Variants in PSMD4 observed in about 807,000 individuals in gnomAD.
PSMD4 encodes 26S proteasome non-ATPase regulatory subunit 4.
A neutral mutation model predicts 39.7 loss-of-function variants in PSMD4; 5 were observed. The observed-to-expected ratio is 0.13, with a 90% CI of 0.07 to 0.26. The LOEUF is 0.26. Ranked by LOEUF, PSMD4 falls within the 10% of genes least tolerant of loss-of-function variation. PSMD4 has a pLI of 1.00. For missense variants in PSMD4, 272 were observed against 486.1 expected, an observed-to-expected ratio of 0.56 and a Z score of 4.14; for synonymous variants, 143 against 174.6, an observed-to-expected ratio of 0.82 and a Z score of 1.43.
Position 151,262,164 on chromosome 1 carries a change from G to A in PSMD4, c.30G>A (p.Val10=), listed in dbSNP as rs1201880839. 18 of 1,614,004 alleles carry A rather than the reference G, an allele frequency of 1.1e-5. No homozygotes were observed. In the Admixed American group the frequency reaches 1.7e-4, roughly 15 times the overall value. MVLESTMVC[V]DNSEYMRNGD... is the part of the protein sequence containing the mutation. ...TCCTTCAACCCTAATCTGACAGTGT[G>A]GACAACAGTGAGTATATGCGGAATG... is the stretch of plus-strand genomic sequence containing the variant. The change falls in exon 2 of 10, where the codon GTG becomes GTA. Residue 10 remains valine (V), a synonymous_variant. Transcript: ENST00000368884.
chr1:151,267,451 G>A lies in PSMD4; in HGVS notation c.*108G>A. ...AACCATTACAGCCTAAATAAAGCTT[G>A]GCAACTTTTTTTCCTTTTTTGCTTC... On this transcript the variant is annotated 3_prime_UTR_variant, in exon 10 of 10. Transcript: ENST00000368884. 1 of 1,359,516 alleles carries A rather than the reference G, an allele frequency of 7.4e-7. No homozygotes were observed. Among genetic ancestry groups the A allele is most frequent in the South Asian group, 1.4e-5 (1 of 69,814 alleles). The allele number at this position is 1,359,516 out of a possible 1,614,324, so 84.2% of individuals were successfully genotyped here. A position where few individuals can be genotyped will look rare whatever the true frequency, so the allele number is the denominator to read the frequency against.
rs757365803 is a variant in PSMD4, at chr1:151,264,880, G to A, written c.331G>A (p.Ala111Thr). ...QGKNHKMRII[A>T]FVGSPVEDNE... ...CAAGAATCACAAGATGCGCATCATT[G>A]CCTTTGTGGGAAGCCCAGTGGAGGA... The change falls in exon 4 of 10, where the codon GCC (alanine) becomes ACC (threonine). Residue 111 changes from alanine (A) to threonine (T), a missense_variant. Around this residue, in one of 3 missense-constraint regions of PSMD4, gnomAD observed 153 missense variants for 257.6 expected, o/e 0.59. Coordinates refer to ENST00000368884, the MANE Select transcript of PSMD4 (RefSeq NM_002810.4). 4 of 1,613,812 alleles carry A rather than the reference G, an allele frequency of 2.5e-6. No homozygotes were observed. The South Asian group carries it at 3.3e-5, about 13-fold the overall frequency.
At chr1:151,254,868 A>AT in intron 1 of PSMD4, 60 bp downstream of exon 1, 2 of 1,111,932 alleles carry the variant, frequency 1.8e-6, no homozygotes, top group Non-Finnish European at 2.4e-6. Context: ...TGTAGCGCCA[A>AT]GGCAGGGAGG....
chr1:151,254,774 G>A lies in PSMD4; in HGVS notation c.-9G>A, dbSNP rs997345641. On this transcript the variant is annotated 5_prime_UTR_variant, in exon 1 of 10. Transcript: ENST00000368884. ...CGGAGACCCGGTCGGGAGGGAGGAA[G>A]GTGGCAAGATGGTGTTGGAAAGCAC... is the stretch of plus-strand genomic sequence containing the variant. 7 of 1,564,662 alleles carry A rather than the reference G, an allele frequency of 4.5e-6. No homozygotes were observed. Among genetic ancestry groups the A allele is most frequent in the African/African-American group, 2.7e-5 (2 of 72,850 alleles).
intron 7 of PSMD4, 71 bp downstream of exon 7, chr1:151,266,183 C>T (rs1178508977): frequency 6.3e-7 from 1 of 1,589,478 alleles, no homozygotes; most frequent in Admixed American, 1.7e-5. Context: ...GTAGGCACTG[C>T]AGGGAGAGTG....
intron 1 of PSMD4, among the ~76,000 whole-genome samples, chr1:151,260,850 T>C (rs1399558174): frequency 1.4e-5 from 2 of 144,052 alleles, no homozygotes; most frequent in Non-Finnish European, 3.1e-5. Flanking sequence ...TTTTATAGAT[T>C]TTTTTTTTTT....
At chr1:151,264,070 G>T in intron 3 of PSMD4, 42 bp downstream of exon 3, 1 of 1,409,330 alleles carries the variant, frequency 7.1e-7, no homozygotes, top group South Asian at 1.2e-5. Context: ...TCCCTGCTCT[G>T]AGGTCCTGCC....
chr1:151,264,621 A>AAT (rs1279324658), intron 3 of PSMD4, among the ~76,000 whole-genome samples: 14 of 152,088 alleles, frequency 9.2e-5, no homozygotes. Flanking sequence ...AAAAAAAAAA[A>AAT]AAGAGAGAAA....
rs778812221 is a variant in PSMD4 at position 151,265,475 on chromosome 1, C to G, written c.520C>G (p.Pro174Ala). ...AACCGGTTCTCATCTGGTGACAGTG[C>G]CTCCTGGGCCCAGTTTGGCTGATGC... ...DGTGSHLVTV[P>A]PGPSLADALI... is the part of the protein sequence containing the mutation. Residue 174 changes from proline (P) to alanine (A), a missense_variant, in exon 6 of 10, where the codon CCT (proline) becomes GCT (alanine). Transcript: ENST00000368884. 6.8e-6 allele frequency: 11 copies of G among 1,614,072 alleles called. No homozygotes were observed. The highest frequency in any genetic ancestry group is 8.5e-6 in the Non-Finnish European group (10 of 1,180,030).
intron 1 of PSMD4, among the ~76,000 whole-genome samples, chr1:151,257,617 G>T (rs911446337): frequency 4.4e-4 from 66 of 151,084 alleles, no homozygotes; most frequent in African/African-American, 1.6e-3. Flanking sequence ...GTGTGATCTC[G>T]GCTCATTGCA....
At chr1:151,256,354 AAATAATAATAAAATAAATAAAT>A (rs1482769254) in intron 1 of PSMD4, among the ~76,000 whole-genome samples, 2 of 44,892 alleles carry the variant, frequency 4.5e-5, no homozygotes, top group African/African-American at 2.1e-4. Context: ...AAAAAAAAAA[AAATAATAATAAAATAAATAAAT>A]AAATAAATAA....
At chr1:151,261,061 G>A (rs1693306048) in intron 1 of PSMD4, among the ~76,000 whole-genome samples, 1 of 151,516 alleles carries the variant, frequency 6.6e-6, no homozygotes, top group African/African-American at 2.4e-5. Context: ...AGCCAACACT[G>A]GTCTCTAACT....
intron 1 of PSMD4, among the ~76,000 whole-genome samples, chr1:151,260,918 T>C (rs1693301465): frequency 6.6e-6 from 1 of 150,754 alleles, no homozygotes; most frequent in Non-Finnish European, 1.5e-5. Context: ...TGATCTTGAC[T>C]CACTGCAACC....
At position 151,254,851 on chromosome 1, in the gene PSMD4, G is replaced by A. The variant is rs775580589; in HGVS notation, c.26+43G>A. 6 of 1,466,556 alleles carry A rather than the reference G, an allele frequency of 4.1e-6. No individual in the cohort carries two copies. The South Asian group carries it at 4.2e-5, about 10-fold the overall frequency. The allele number at this position is 1,466,556 out of a possible 1,614,324, so 90.8% of individuals were successfully genotyped here. On this transcript the variant is annotated intron_variant, in intron 1 of 9. Coordinates refer to ENST00000368884, the MANE Select transcript of PSMD4 (RefSeq NM_002810.4). ...GGCAGGAGGGGCAGAGCTGGGTTCC[G>A]GGCGCGTGTAGCGCCAAGGCAGGGA...
chr1:151,261,367 G>A (rs1693316032), intron 1 of PSMD4, among the ~76,000 whole-genome samples: 1 of 150,494 alleles, frequency 6.6e-6, no homozygotes, highest in South Asian at 2.1e-4. Context: ...TAGAGACAGG[G>A]TTTCTCCATG....
chr1:151,266,529 A>G lies in PSMD4; in HGVS notation c.905A>G (p.Gln302Arg), dbSNP rs1318038566. The G allele has an allele frequency of 1.9e-6, 3 of 1,614,096 alleles. No homozygotes were observed. Among genetic ancestry groups the G allele is most frequent in the Non-Finnish European group, 8.5e-7 (1 of 1,180,050 alleles). ...GACCTCTCTTCCTCAGAGTTTGGCC[A>G]GGCGGAATCAGCAGACATTGATGCC... The part of the protein sequence containing the change: ...QMSLQGAEFG[Q>R]AESADIDASS... The change falls in exon 9 of 10, where the codon CAG (glutamine) becomes CGG (arginine). Residue 302 changes from glutamine (Q) to arginine (R), a missense_variant. Coordinates refer to ENST00000368884, the MANE Select transcript of PSMD4 (RefSeq NM_002810.4).
chr1:151,265,319 G>C (rs1037007179), intron 5 of PSMD4, 75 bp from the exon 6 acceptor site: 31 of 1,592,950 alleles, frequency 1.9e-5, no homozygotes, highest in Non-Finnish European at 2.6e-5. Flanking sequence ...GGGTACTGTG[G>C]CAGAGTAGTG....
At chr1:151,265,843 A>C (rs1693437164) in intron 6 of PSMD4, among the ~76,000 whole-genome samples, 161 bp from the exon 7 acceptor site, 1 of 152,184 alleles carries the variant, frequency 6.6e-6, no homozygotes, top group African/African-American at 2.4e-5. Context: ...CCAAGTCCTT[A>C]CTTTTTAATC....
chr1:151,261,177 T>A, intron 1 of PSMD4, among the ~76,000 whole-genome samples: 1 of 149,872 alleles, frequency 6.7e-6, no homozygotes, highest in African/African-American at 2.5e-5. Flanking sequence ...TTTTTTTCTT[T>A]TTCTTTTTTT....
Sources: gnomAD v4.1 joint callset for allele counts (sites outside exome capture counted in the v4.1 genomes callset) on GRCh38, gnomAD v4.1.1 for gene constraint, gnomAD v4.1.1 regional missense constraint, MANE v1.5 for transcripts, NCBI Gene and HGNC (gene_info 2026-07-23, HGNC 2026-07-21) for gene names.